The following SLC16A7 variants were observed in gnomAD, a reference collection of about 807,000 sequenced individuals.
The protein encoded by SLC16A7 is monocarboxylate transporter 2.
Under a neutral mutation model 34.9 loss-of-function variants are expected in SLC16A7, and 33 were observed. That is an observed-to-expected ratio of 0.94 (90% confidence interval 0.72 to 1.26). The LOEUF is 1.26. SLC16A7 is among the 50% of genes most tolerant of loss of function. The pLI is 0.00. For missense variants in SLC16A7, 573 were observed against 578.1 expected (o/e 0.99, Z 0.09); for synonymous variants, 201 against 206.6 (o/e 0.97, Z 0.23).
intron 1 of SLC16A7, among the ~76,000 whole-genome samples, chr12:59,598,396 A>T (rs1175037723): frequency 2.0e-5 from 3 of 152,240 alleles, no homozygotes; most frequent in Non-Finnish European, 4.4e-5. Context: ...CAGGGTTGCC[A>T]AGATGAATGA....
intron 2 of SLC16A7, among the ~76,000 whole-genome samples, chr12:59,698,959 T>C (rs1027136255): frequency 6.6e-6 from 1 of 151,726 alleles, no homozygotes; most frequent in Non-Finnish European, 1.5e-5. Flanking sequence ...TAACTTAAAA[T>C]TGTTGTCATT....
rs1036865675 is a variant in SLC16A7, at chr12:59,788,501, C to T, written c.*8822C>T. 2.6e-5 allele frequency: 4 copies of T among 151,894 alleles called. No individual in the cohort carries two copies. Among genetic ancestry groups the T allele is most frequent in the East Asian group, 1.9e-4 (1 of 5,200 alleles). 9.4% of individuals were successfully genotyped at this position (151,894 alleles called of 1,614,324 possible). On this transcript the variant is annotated 3_prime_UTR_variant, in exon 6 of 6. Transcript: ENST00000547379. ...TAAAGAGGATAGTTTTGCTTGACACCTAAATGATCCAAACAGTTGTTTTTA... is the reference window on the plus strand; with the variant it reads ...TAAAGAGGATAGTTTTGCTTGACACTTAAATGATCCAAACAGTTGTTTTTA...
rs1172559775 is a variant in SLC16A7, at chr12:59,753,323, G to A, written c.218-17896G>A. On this transcript the variant is annotated intron_variant, in intron 3 of 5. Coordinates refer to ENST00000547379, the MANE Select transcript of SLC16A7 (RefSeq NM_001270623.2). Reference sequence around the variant, plus strand: ...GACACAGACTGGCAAATTGGATAAAGAGTCAAGACCCATCAGTGTGCTGTA... The same window carrying A: ...GACACAGACTGGCAAATTGGATAAAAAGTCAAGACCCATCAGTGTGCTGTA... Among the ~76,000 whole-genome samples, 4 of 152,294 alleles carry A rather than the reference G, an allele frequency of 2.6e-5. No individual in the cohort carries two copies. The East Asian group carries it at 5.8e-4, about 22-fold the overall frequency.
intron 2 of SLC16A7, among the ~76,000 whole-genome samples, chr12:59,690,158 A>G (rs1037416567): frequency 2.6e-5 from 4 of 152,018 alleles, no homozygotes; most frequent in African/African-American, 4.8e-5. Context: ...TCCCTAAGCC[A>G]TGACTCTGGG....
chr12:59,673,633 G>A (rs7979162), intron 2 of SLC16A7, among the ~76,000 whole-genome samples: 3 of 152,024 alleles, frequency 2.0e-5, no homozygotes, highest in Non-Finnish European at 4.4e-5. Flanking sequence ...CCAAAAGGAC[G>A]TTAACAAAGA....
At chr12:59,752,369 C>T (rs1185908676) in intron 3 of SLC16A7, among the ~76,000 whole-genome samples, 6 of 151,992 alleles carry the variant, frequency 3.9e-5, no homozygotes, top group African/African-American at 9.7e-5. Flanking sequence ...AAAATTTAGA[C>T]GAATGTATAA....
chr12:59,709,729 C>CT (rs1390833017), intron 3 of SLC16A7, among the ~76,000 whole-genome samples: 7 of 151,560 alleles, frequency 4.6e-5, no homozygotes, highest in African/African-American at 1.5e-4. Flanking sequence ...ATGTTAGACT[C>CT]TTTTTTTCAT....
At chr12:59,733,904 C>A in intron 3 of SLC16A7, 1 of 446,186 alleles carries the variant, frequency 2.2e-6, no homozygotes, top group Admixed American at 2.4e-5. Context: ...CTCCTTCCCA[C>A]AGCTGGTAAT....
At chr12:59,692,872 A>G (rs1315306844) in intron 2 of SLC16A7, among the ~76,000 whole-genome samples, 1 of 152,000 alleles carries the variant, frequency 6.6e-6, no homozygotes, top group African/African-American at 2.4e-5. Context: ...GCCTCTCGGG[A>G]TTAGAGTCCA....
intron 1 of SLC16A7, among the ~76,000 whole-genome samples, chr12:59,639,100 C>G (rs1343006109): frequency 6.6e-6 from 1 of 152,082 alleles, no homozygotes; most frequent in African/African-American, 2.4e-5. Flanking sequence ...TCATAACACT[C>G]TTGTAATTGT....
Position 59,764,582 on chromosome 12 carries a change from G to T in SLC16A7, c.218-6637G>T, listed in dbSNP as rs1240249573. ...CCACCTGTGAGTGAGAACACGTGGT[G>T]TTTGGTTTTTTGTCCTTGCGATAGT... On this transcript the variant is annotated intron_variant, in intron 3 of 5. Transcript: ENST00000547379. Among the ~76,000 whole-genome samples, 18 of 151,066 alleles carry T rather than the reference G, an allele frequency of 1.2e-4. No individual in the cohort carries two copies. In the East Asian group the frequency reaches 3.3e-3, roughly 28 times the overall value.
chr12:59,684,098 A>G (rs1870961933), intron 2 of SLC16A7, among the ~76,000 whole-genome samples: 1 of 152,242 alleles, frequency 6.6e-6, no homozygotes, highest in Non-Finnish European at 1.5e-5. Flanking sequence ...TGACTCTTGC[A>G]TGAAACTTTG....
intron 3 of SLC16A7, among the ~76,000 whole-genome samples, chr12:59,738,070 C>T (rs1877809081): frequency 6.6e-6 from 1 of 152,170 alleles, no homozygotes. Context: ...TATGCATTCT[C>T]ATGGTGCTTT....
intron 2 of SLC16A7, among the ~76,000 whole-genome samples, chr12:59,692,513 G>T (rs192282511): frequency 3.3e-5 from 5 of 152,068 alleles, no homozygotes. Flanking sequence ...TTTGGATTTT[G>T]AAGCATAATT....
intron 2 of SLC16A7, among the ~76,000 whole-genome samples, chr12:59,688,745 C>T (rs1341381812): frequency 6.6e-6 from 1 of 151,944 alleles, no homozygotes; most frequent in East Asian, 1.9e-4. Flanking sequence ...AAAGGAGAAA[C>T]TTAAAACAAC....
At chr12:59,612,649 G>C (rs370750031) in intron 1 of SLC16A7, among the ~76,000 whole-genome samples, 12 of 152,152 alleles carry the variant, frequency 7.9e-5, no homozygotes, top group African/African-American at 2.9e-4. Context: ...CTTTTATGCT[G>C]TGCTTCCTCT....
chr12:59,685,785 T>C (rs563270053), intron 2 of SLC16A7, among the ~76,000 whole-genome samples: 2 of 152,304 alleles, frequency 1.3e-5, no homozygotes. Context: ...CTTCATGTGA[T>C]TTATTTGCAA....
At chr12:59,636,005 A>G (rs1880406748) in intron 1 of SLC16A7, among the ~76,000 whole-genome samples, 1 of 71,354 alleles carries the variant, frequency 1.4e-5, no homozygotes, top group Admixed American at 1.2e-4. Flanking sequence ...ACTTCTGTAA[A>G]AAAAAAAAAA....
At chr12:59,768,047 C>A (rs1881856477) in intron 3 of SLC16A7, 1 of 401,314 alleles carries the variant, frequency 2.5e-6, no homozygotes, top group East Asian at 7.2e-5. Context: ...ACATATGTAA[C>A]AAACCTGCAC....
Sources: allele counts gnomAD v4.1 joint callset (sites outside exome capture counted in the v4.1 genomes callset), GRCh38; gene constraint gnomAD v4.1.1; transcripts MANE v1.5; gene names NCBI Gene and HGNC (gene_info 2026-07-23, HGNC 2026-07-21).